Variants in CABCOCO1 observed in about 807,000 individuals in gnomAD.
CABCOCO1 encodes ciliary associated calcium binding coiled-coil 1.
A neutral mutation model predicts 35.7 loss-of-function variants in CABCOCO1; 28 were observed. That is an observed-to-expected ratio of 0.78 (90% CI 0.58 to 1.07). The LOEUF is 1.07. Ranked by LOEUF, CABCOCO1 falls within the 50% of genes least tolerant of loss-of-function variation. The probability of loss-of-function intolerance (pLI) is 0.00; values close to 1 mark genes in which losing one functional copy is unlikely to be tolerated. For missense variants in CABCOCO1, 326 were observed against 309.2 expected (o/e 1.05, Z -0.41); for synonymous variants, 95 against 100.1 (o/e 0.95, Z 0.30).
intron 5 of CABCOCO1, among the ~76,000 whole-genome samples, chr10:61,751,519 G>C (rs971456925): frequency 6.6e-6 from 1 of 152,218 alleles, no homozygotes; most frequent in Admixed American, 6.5e-5. Flanking sequence ...AAACGATAAA[G>C]GAATTGGAGG....
intron 3 of CABCOCO1, among the ~76,000 whole-genome samples, chr10:61,682,860 A>C (rs1018467608): frequency 5.3e-5 from 8 of 150,164 alleles, no homozygotes; most frequent in Admixed American, 4.0e-4. Context: ...CACATGTAAT[A>C]GTACCAGGAG....
chr10:61,726,571 C>A (rs909895504), intron 5 of CABCOCO1, among the ~76,000 whole-genome samples: 10 of 151,682 alleles, frequency 6.6e-5, no homozygotes, highest in African/African-American at 2.4e-4. Flanking sequence ...AACTCTTTTA[C>A]AATGATTCTG....
At chr10:61,669,018 G>C (rs1839274708) in intron 1 of CABCOCO1, among the ~76,000 whole-genome samples, 1 of 34,912 alleles carries the variant, frequency 2.9e-5, no homozygotes, top group African/African-American at 6.5e-5. Flanking sequence ...TTAAGGGTTG[G>C]GGAAAAAAAA....
At chr10:61,695,871 G>T (rs1840281020) in intron 5 of CABCOCO1, among the ~76,000 whole-genome samples, 1 of 151,934 alleles carries the variant, frequency 6.6e-6, no homozygotes, top group African/African-American at 2.4e-5. Context: ...TTAATAGAGG[G>T]ATTTTTAGAT....
chr10:61,720,917 C>CATTTTTTTT, intron 5 of CABCOCO1, among the ~76,000 whole-genome samples: 1 of 65,974 alleles, frequency 1.5e-5, no homozygotes, highest in Non-Finnish European at 3.0e-5. Flanking sequence ...TCTTTTCATT[C>CATTTTTTTT]TTTTTTTTTT....
chr10:61,704,240 T>C (rs1196594441), intron 5 of CABCOCO1, among the ~76,000 whole-genome samples: 1 of 152,090 alleles, frequency 6.6e-6, no homozygotes, highest in African/African-American at 2.4e-5. Flanking sequence ...TATATATATA[T>C]GCCCAAATTC....
intron 5 of CABCOCO1, among the ~76,000 whole-genome samples, chr10:61,714,290 A>G (rs1311429912): frequency 2.0e-5 from 3 of 151,966 alleles, no homozygotes; most frequent in Admixed American, 2.0e-4. Flanking sequence ...TTTCTAGTTT[A>G]TTTGCGTAGA....
chr10:61,707,154 GT>G, intron 5 of CABCOCO1, among the ~76,000 whole-genome samples: 1 of 152,266 alleles, frequency 6.6e-6, no homozygotes, highest in African/African-American at 2.4e-5. Context: ...AGGAGTAGGT[GT>G]AGGGAGAAAT....
intron 5 of CABCOCO1, among the ~76,000 whole-genome samples, chr10:61,713,616 T>C (rs748318346): frequency 6.6e-6 from 1 of 152,238 alleles, no homozygotes; most frequent in Non-Finnish European, 1.5e-5. Context: ...CTTCCAGTTG[T>C]TGCCCATTCC....
intron 5 of CABCOCO1, among the ~76,000 whole-genome samples, chr10:61,707,249 C>G (rs923899155): frequency 6.6e-6 from 1 of 151,976 alleles, no homozygotes; most frequent in Non-Finnish European, 1.5e-5. Context: ...GTTAGGCAGG[C>G]GAATGTGTTG....
chr10:61,719,403 C>G (rs949613670), intron 5 of CABCOCO1, among the ~76,000 whole-genome samples: 1 of 151,872 alleles, frequency 6.6e-6, no homozygotes, highest in Non-Finnish European at 1.5e-5. Context: ...TTAACTTAAC[C>G]TCTCCAGTTA....
intron 5 of CABCOCO1, among the ~76,000 whole-genome samples, chr10:61,704,216 C>T (rs2132019987): frequency 6.6e-6 from 1 of 152,062 alleles, no homozygotes; most frequent in South Asian, 2.1e-4. Flanking sequence ...AGAGTGAAAC[C>T]CTGTCTAAAA....
At chr10:61,677,158 G>C (rs866675724) in intron 2 of CABCOCO1, among the ~76,000 whole-genome samples, 1 of 152,102 alleles carries the variant, frequency 6.6e-6, no homozygotes, top group Non-Finnish European at 1.5e-5. Flanking sequence ...TTGGAGTATA[G>C]AGAAGTGGAC....
At chr10:61,717,273 A>G (rs577979717) in intron 5 of CABCOCO1, among the ~76,000 whole-genome samples, 1 of 152,298 alleles carries the variant, frequency 6.6e-6, no homozygotes, top group South Asian at 2.1e-4. Flanking sequence ...AGAACTTTGG[A>G]ATAAAGGGCA....
intron 5 of CABCOCO1, among the ~76,000 whole-genome samples, chr10:61,715,349 GCTTCC>G (rs1840836240): frequency 1.3e-5 from 2 of 149,222 alleles, no homozygotes; most frequent in Admixed American, 1.3e-4. Context: ...CTTTTTTTTT[GCTTCC>G]CATTTGCTTG....
intron 5 of CABCOCO1, among the ~76,000 whole-genome samples, chr10:61,728,111 T>C (rs964513082): frequency 2.0e-5 from 3 of 152,350 alleles, no homozygotes; most frequent in African/African-American, 7.2e-5. Flanking sequence ...TTCAACATGC[T>C]TTTGAAAGCA....
intron 5 of CABCOCO1, among the ~76,000 whole-genome samples, chr10:61,746,021 GA>G (rs747984227): frequency 2.0e-5 from 3 of 152,172 alleles, no homozygotes; most frequent in Non-Finnish European, 2.9e-5. Context: ...GTACTCATAA[GA>G]ACCAGAATAG....
At chr10:61,667,853 A>G (rs776632887) in intron 1 of CABCOCO1, among the ~76,000 whole-genome samples, 1 of 151,910 alleles carries the variant, frequency 6.6e-6, no homozygotes, top group Non-Finnish European at 1.5e-5. Context: ...TTTAAGTTAC[A>G]TATTTAGTTT....
At chr10:61,726,506 G>A (rs953298120) in intron 5 of CABCOCO1, among the ~76,000 whole-genome samples, 1 of 151,804 alleles carries the variant, frequency 6.6e-6, no homozygotes. Context: ...TTTACAATGG[G>A]ACGTGGAGTG....
Sources: allele counts gnomAD v4.1 joint callset (sites outside exome capture counted in the v4.1 genomes callset), GRCh38; gene constraint gnomAD v4.1.1; transcripts MANE v1.5; gene names NCBI Gene and HGNC (gene_info 2026-07-23, HGNC 2026-07-21).